RIC8B: variants seen among roughly 807,000 people sequenced by gnomAD.
The protein encoded by RIC8B is RIC8 guanine nucleotide exchange factor B, also known as chaperone Ric-8B.
Under a neutral mutation model 57.5 loss-of-function variants are expected in RIC8B, and 16 were observed. The observed-to-expected ratio is 0.28, with a 90% confidence interval of 0.19 to 0.42. The LOEUF (loss-of-function observed/expected upper bound fraction) is 0.42. RIC8B is among the 10% of genes least tolerant of loss of function. The pLI is 1.00. For missense variants in RIC8B, 481 were observed against 677.0 expected (o/e 0.71, Z 3.21); for synonymous variants, 216 against 250.8 (o/e 0.86, Z 1.31).
chr12:106,815,991 A>G (rs1394083650), intron 3 of RIC8B, among the ~76,000 whole-genome samples: 5 of 152,202 alleles, frequency 3.3e-5, no homozygotes, highest in Admixed American at 6.5e-5. Flanking sequence ...CGCAGATTTG[A>G]TAGTTTACAT....
At chr12:106,861,098 C>G (rs1684027206) in intron 8 of RIC8B, among the ~76,000 whole-genome samples, 1 of 152,104 alleles carries the variant, frequency 6.6e-6, no homozygotes, top group Non-Finnish European at 1.5e-5. Context: ...TTCCATCCCA[C>G]TCGTAACCCT....
intron 2 of RIC8B, among the ~76,000 whole-genome samples, chr12:106,806,836 TAAATA>T (rs1283899774): frequency 2.0e-5 from 3 of 151,966 alleles, no homozygotes; most frequent in Admixed American, 2.0e-4. Flanking sequence ...CAAAAATAAA[TAAATA>T]AATAAAAGAA....
chr12:106,816,432 G>T (rs2045578259), intron 3 of RIC8B, among the ~76,000 whole-genome samples: 1 of 152,174 alleles, frequency 6.6e-6, no homozygotes, highest in Non-Finnish European at 1.5e-5. Context: ...AGTATGGTCA[G>T]TTTTTCCTGG....
chr12:106,870,899 T>A lies in RIC8B; in HGVS notation c.1528T>A (p.Tyr510Asn). 1 of 1,549,248 alleles carries A rather than the reference T, an allele frequency of 6.5e-7. No homozygotes were observed. The highest frequency in any genetic ancestry group is 8.7e-7 in the Non-Finnish European group (1 of 1,145,306). Reference protein sequence around the residue: ...IDEMTEEQKEYEAMKLVNMLD... With the variant: ...IDEMTEEQKENEAMKLVNMLD... Reference sequence around the variant, plus strand: ...TGAAATGACAGAAGAACAAAAAGAATATGAAGCCATGAAACTTGTCAACAT... The same window carrying A: ...TGAAATGACAGAAGAACAAAAAGAAAATGAAGCCATGAAACTTGTCAACAT... Residue 510 changes from tyrosine to asparagine, a missense_variant, in exon 9 of 10, where the codon TAT (tyrosine) becomes AAT (asparagine). Physicochemically the swap from Tyr to Asn is moderately radical, Grantham distance 143. Transcript: ENST00000392837.
Position 106,887,114 on chromosome 12 carries a change from G to C in RIC8B, c.*1099G>C, listed in dbSNP as rs1368998799. 1 of 152,562 alleles carries C rather than the reference G, an allele frequency of 6.6e-6. No homozygotes were observed. Among genetic ancestry groups the C allele is most frequent in the African/African-American group, 2.4e-5 (1 of 41,420 alleles). The allele number at this position is 152,562 out of a possible 1,614,324, so 9.5% of individuals were successfully genotyped here. The stretch of plus-strand genomic sequence containing the variant: ...GAAGTAGAAAGTGAGTCATGCACTA[G>C]ACAGTGGGCCTAGCTCATCAGTGGC... On this transcript the variant is annotated 3_prime_UTR_variant, in exon 10 of 10. Coordinates refer to ENST00000392837, the MANE Select transcript of RIC8B (RefSeq NM_001330145.2).
chr12:106,776,973 C>T (rs1386005340), intron 1 of RIC8B, among the ~76,000 whole-genome samples: 4 of 152,142 alleles, frequency 2.6e-5, no homozygotes, highest in African/African-American at 9.7e-5. Context: ...TCCCCCCCAC[C>T]GACCCTCCCA....
chr12:106,792,721 T>G (rs1263343139), intron 2 of RIC8B, among the ~76,000 whole-genome samples: 1 of 152,188 alleles, frequency 6.6e-6, no homozygotes, highest in Non-Finnish European at 1.5e-5. Flanking sequence ...AGAGGATTGC[T>G]TGAGTCTAGG....
intron 2 of RIC8B, among the ~76,000 whole-genome samples, chr12:106,788,834 GC>G (rs1292295787): frequency 4.6e-5 from 7 of 152,158 alleles, no homozygotes; most frequent in African/African-American, 1.4e-4. Flanking sequence ...CCTATGACAT[GC>G]CCTGGAGACA....
chr12:106,784,248 G>A (rs2043895328), intron 2 of RIC8B, among the ~76,000 whole-genome samples: 1 of 152,178 alleles, frequency 6.6e-6, no homozygotes, highest in Admixed American at 6.5e-5. Context: ...TGTCCTCGCA[G>A]GACTATTAAC....
At chr12:106,885,485 A>G (rs1411162444) in intron 9 of RIC8B, among the ~76,000 whole-genome samples, 1 of 152,092 alleles carries the variant, frequency 6.6e-6, no homozygotes, top group East Asian at 1.9e-4. Flanking sequence ...AAGTGTATGC[A>G]TATCAAATCA....
At chr12:106,835,927 C>T (rs10444533) in intron 4 of RIC8B, among the ~76,000 whole-genome samples, 28,802 of 152,184 alleles carry the variant, frequency 0.19, 2,932 homozygotes, top group East Asian at 0.32. Context: ...CTGTAGTCAT[C>T]TCTTGTTCTT....
chr12:106,859,869 T>C (rs1402288845), intron 7 of RIC8B, among the ~76,000 whole-genome samples: 1 of 152,178 alleles, frequency 6.6e-6, no homozygotes, highest in Non-Finnish European at 1.5e-5. Flanking sequence ...TTTTACATTA[T>C]GTGCCATATT....
chr12:106,790,744 A>G (rs2044230942), intron 2 of RIC8B, among the ~76,000 whole-genome samples: 1 of 152,238 alleles, frequency 6.6e-6, no homozygotes, highest in Non-Finnish European at 1.5e-5. Context: ...AAAGATTTCC[A>G]GCTCTTTCAC....
At chr12:106,859,940 T>C in intron 7 of RIC8B, among the ~76,000 whole-genome samples, 1 of 152,098 alleles carries the variant, frequency 6.6e-6, no homozygotes, top group Non-Finnish European at 1.5e-5. Flanking sequence ...CAAAACTGGA[T>C]TTTTAAATAG....
chr12:106,882,944 C>T (rs1951019168), intron 9 of RIC8B, among the ~76,000 whole-genome samples: 1 of 152,052 alleles, frequency 6.6e-6, no homozygotes, highest in Non-Finnish European at 1.5e-5. Flanking sequence ...GGCCATAAAA[C>T]TAATATTTTT....
intron 9 of RIC8B, among the ~76,000 whole-genome samples, chr12:106,878,225 G>A (rs916310639): frequency 2.0e-5 from 3 of 152,102 alleles, no homozygotes. Flanking sequence ...GTCATTAGAT[G>A]AAAGATGAAG....
chr12:106,847,531 C>T (rs986464661), intron 6 of RIC8B, among the ~76,000 whole-genome samples: 1 of 152,106 alleles, frequency 6.6e-6, no homozygotes, highest in African/African-American at 2.4e-5. Context: ...TTGTTCTACC[C>T]AGCCAGAGAC....
At chr12:106,785,265 T>G (rs910567155) in intron 2 of RIC8B, among the ~76,000 whole-genome samples, 1 of 152,166 alleles carries the variant, frequency 6.6e-6, no homozygotes, top group Non-Finnish European at 1.5e-5. Context: ...GCTTACTACT[T>G]TTGCAATATA....
Position 106,774,790 on chromosome 12 carries a change from A to G in RIC8B, c.45A>G (p.Ala15=). 1 of 1,554,066 alleles carries G rather than the reference A, an allele frequency of 6.4e-7. No individual in the cohort carries two copies. Among genetic ancestry groups the G allele is most frequent in the Non-Finnish European group, 8.7e-7 (1 of 1,148,238 alleles). Residue 15 remains alanine (A), a synonymous_variant, in exon 1 of 10, where the codon GCA becomes GCG. Transcript: ENST00000392837. ...TCTACATCGTCCGGGCCGGCGAAGC[A>G]GGGGCTATCGAGCGGGTCCTGAGGG... ...RALYIVRAGE[A]GAIERVLRDY...
Sources: allele counts gnomAD v4.1 joint callset (sites outside exome capture counted in the v4.1 genomes callset), GRCh38; gene constraint gnomAD v4.1.1; transcripts MANE v1.5; gene names NCBI Gene and HGNC (gene_info 2026-07-23, HGNC 2026-07-21).